Variants in SMARCD3 observed in about 807,000 individuals in gnomAD.
SMARCD3 encodes SWI/SNF-related matrix-associated actin-dependent regulator of chromatin subfamily D member 3.
SMARCD3 carries 14 observed loss-of-function variants against 58.0 expected under a neutral mutation model. The ratio of observed to expected loss-of-function variants is 0.24; its 90% confidence interval spans 0.16 to 0.38. The LOEUF is 0.38. Among genes scored for constraint, SMARCD3 ranks in the 10% least tolerant of loss-of-function variants. SMARCD3 has a pLI of 1.00. For synonymous variants in SMARCD3, 253 were observed against 253.8 expected (o/e 1.00, Z 0.03); for missense variants, 408 against 636.9 (o/e 0.64, Z 3.87).
chr7:151,244,925 T>G (rs567274026), intron 2 of SMARCD3, among the ~76,000 whole-genome samples: 2 of 151,772 alleles, frequency 1.3e-5, no homozygotes, highest in Non-Finnish European at 2.9e-5. Flanking sequence ...TGGGCCAGAG[T>G]GCCTAAGAAT....
intron 2 of SMARCD3, among the ~76,000 whole-genome samples, chr7:151,255,947 C>G (rs554084216): frequency 7.3e-5 from 11 of 151,490 alleles, no homozygotes; most frequent in African/African-American, 2.7e-4. Context: ...GTGGCGCGAT[C>G]TCGGCTCACT....
Position 151,239,515 on chromosome 7 carries a change from G to A in SMARCD3, c.1297-18C>T, listed in dbSNP as rs763626229. 3 of 1,611,490 alleles carry A rather than the reference G, an allele frequency of 1.9e-6. No homozygotes were observed. Among genetic ancestry groups the A allele is most frequent in the Non-Finnish European group, 2.5e-6 (3 of 1,178,090 alleles). On this transcript the variant is annotated intron_variant, in intron 11 of 12. Transcript: ENST00000262188. The surrounding 1 kb of genome is among the most constrained non-coding windows in gnomAD (Gnocchi z 7.0). Reference sequence around the variant, plus strand: ...GTCATCACCTGGGAGGGAGCGTGGGGTGAGCCCTGAGCCCTGAATCCCCTC... The same window carrying A: ...GTCATCACCTGGGAGGGAGCGTGGGATGAGCCCTGAGCCCTGAATCCCCTC...
intron 2 of SMARCD3, among the ~76,000 whole-genome samples, chr7:151,273,996 T>G (rs1183501667): frequency 6.6e-6 from 1 of 152,206 alleles, no homozygotes; most frequent in African/African-American, 2.4e-5. Context: ...AGAAAGCACT[T>G]TCATTCTGCC....
chr7:151,258,111 A>G (rs1482893218), intron 2 of SMARCD3, among the ~76,000 whole-genome samples: 2 of 151,660 alleles, frequency 1.3e-5, no homozygotes, highest in African/African-American at 4.8e-5. Context: ...CACACCCTAC[A>G]TCCACTCTGA....
intron 2 of SMARCD3, among the ~76,000 whole-genome samples, chr7:151,268,349 G>T (rs555222644): frequency 6.6e-6 from 1 of 152,146 alleles, no homozygotes; most frequent in East Asian, 1.9e-4. Context: ...TTTTCAGAGG[G>T]GCGAGAGCCC....
chr7:151,248,743 G>GCCGCCGCCCGC (rs1320440109), upstream of SMARCD3: 9 of 1,142,876 alleles, frequency 7.9e-6, no homozygotes, highest in South Asian at 8.5e-5. The surrounding 1 kb of genome is among the most constrained non-coding windows in gnomAD (Gnocchi z 6.1). Context: ...GGCCCACGCC[G>GCCGCCGCCCGC]CCGCCGCCCG....
chr7:151,245,680 G>A lies in SMARCD3; in HGVS notation c.79-9C>T. ...GACGGCATCCCGGGGCGCTGGGGGT[G>A]GGCGGGGGTGAAGCAGAAACGGGCG... On this transcript the variant is annotated splice_polypyrimidine_tract_variant and intron_variant, in intron 1 of 12. Transcript: ENST00000262188. This position sits in a 1 kb window ranked among gnomAD's most constrained non-coding sequence, Gnocchi z 6.2. 1 of 921,426 alleles carries A rather than the reference G, an allele frequency of 1.1e-6. No homozygotes were observed. The highest frequency in any genetic ancestry group is 1.4e-6 in the Non-Finnish European group (1 of 705,124). 57.1% of individuals were successfully genotyped at this position (921,426 alleles called of 1,614,324 possible). A position where few individuals can be genotyped will look rare whatever the true frequency, so the allele number is the denominator to read the frequency against.
At chr7:151,244,520 A>T (rs1261330524) in intron 2 of SMARCD3, among the ~76,000 whole-genome samples, 1 of 152,084 alleles carries the variant, frequency 6.6e-6, no homozygotes, top group Admixed American at 6.5e-5. Context: ...CCCCCTCCCT[A>T]TGCAGAAATC....
rs940406495 is a variant in SMARCD3, at chr7:151,245,379, C to G, written c.290+81G>C. On this transcript the variant is annotated intron_variant, in intron 2 of 12. Transcript: ENST00000262188. The surrounding 1 kb of genome is among the most constrained non-coding windows in gnomAD (Gnocchi z 6.2). ...CATTCTTCCTCGCCCCTTCCAATCC[C>G]CGCTACTCGCTTACCTGGTCCCTGC... 3.8e-6 allele frequency: 2 copies of G among 519,516 alleles called. No homozygotes were observed. The highest frequency in any genetic ancestry group is 4.0e-5 in the African/African-American group (2 of 50,422). 32.2% of individuals were successfully genotyped at this position (519,516 alleles called of 1,614,324 possible). A position where few individuals can be genotyped will look rare whatever the true frequency, so the allele number is the denominator to read the frequency against.
intron 9 of SMARCD3, 77 bp from the exon 10 acceptor site, chr7:151,240,324 A>G: frequency 6.2e-7 from 1 of 1,604,080 alleles, no homozygotes; most frequent in Non-Finnish European, 8.5e-7. Context: ...GGCAGATCCA[A>G]CAGGGAGGGA....
At chr7:151,276,181 G>C (rs1013420268) in intron 1 of SMARCD3, among the ~76,000 whole-genome samples, 1 of 151,674 alleles carries the variant, frequency 6.6e-6, no homozygotes, top group Non-Finnish European at 1.5e-5. Flanking sequence ...GGGGGACAGA[G>C]GGACAACCTG....
chr7:151,275,319 G>A, intron 1 of SMARCD3: 1 of 657,642 alleles, frequency 1.5e-6, no homozygotes, highest in Admixed American at 2.4e-5. Flanking sequence ...CTGCGAAGAA[G>A]CCAAACTCCC....
At chr7:151,254,399 GC>G (rs1430318375) in intron 2 of SMARCD3, 1 of 152,406 alleles carries the variant, frequency 6.6e-6, no homozygotes, top group Non-Finnish European at 1.5e-5. Context: ...CTCATGTCGG[GC>G]CATGTGGCCC....
chr7:151,239,136 C>A lies in SMARCD3; in HGVS notation c.1419G>T (p.Glu473Asp). Residue 473 changes from glutamate (E) to aspartate (D), a missense_variant, in exon 13 of 13, where the codon GAG becomes GAT. This residue lies in a region of SMARCD3 where 81 missense variants were observed against 109.7 expected (regional missense o/e 0.74). Coordinates refer to ENST00000262188, the MANE Select transcript of SMARCD3 (RefSeq NM_001003801.2). The surrounding 1 kb of genome is among the most constrained non-coding windows in gnomAD (Gnocchi z 7.0). ...FYCKIQQRRQ[E>D]LEQSLVVRNT ...TGCGCACAACCAGCGACTGCTCCAG[C>A]TCCTGCCTGCGCTGCTGGATCTTTA... The A allele has an allele frequency of 6.2e-7, 1 of 1,614,204 alleles. No individual in the cohort carries two copies. Among genetic ancestry groups the A allele is most frequent in the Non-Finnish European group, 8.5e-7 (1 of 1,180,044 alleles).
At position 151,239,648 on chromosome 7, in the gene SMARCD3, G is replaced by A. The variant is rs267601422; in HGVS notation, c.1272C>T (p.Leu424=). The part of the protein sequence containing the change: ...RDPKGYVQDL[L]RSQSRDLKVM... ...CCTTGAGGTCCCGGCTCTGGGAGCG[G>A]AGCAGGTCTTGGACATAGCCTTTGG... The change falls in exon 11 of 13, where the codon CTC becomes CTT. Residue 424 remains leucine, a synonymous_variant. Coordinates refer to ENST00000262188, the MANE Select transcript of SMARCD3 (RefSeq NM_001003801.2). This position sits in a 1 kb window ranked among gnomAD's most constrained non-coding sequence, Gnocchi z 7.0. 1.6e-5 allele frequency: 26 copies of A among 1,614,096 alleles called. No individual in the cohort carries two copies. Among genetic ancestry groups the A allele is most frequent in the Non-Finnish European group, 2.2e-5 (26 of 1,180,018 alleles).
intron 2 of SMARCD3, among the ~76,000 whole-genome samples, chr7:151,271,911 A>T (rs1360562075): frequency 1.3e-5 from 2 of 152,200 alleles, no homozygotes; most frequent in African/African-American, 4.8e-5. Context: ...GTGAGCCATG[A>T]TCACACCACT....
At chr7:151,271,714 G>A (rs1795180161) in intron 2 of SMARCD3, among the ~76,000 whole-genome samples, 1 of 152,124 alleles carries the variant, frequency 6.6e-6, no homozygotes, top group Admixed American at 6.6e-5. Context: ...ACTTTGGGAG[G>A]CTGAAGTGGG....
intron 2 of SMARCD3, among the ~76,000 whole-genome samples, chr7:151,273,540 G>A (rs1341113939): frequency 6.6e-6 from 1 of 152,244 alleles, no homozygotes; most frequent in Non-Finnish European, 1.5e-5. Context: ...AGAGTGCTTG[G>A]TTTAATATAC....
intron 2 of SMARCD3, among the ~76,000 whole-genome samples, chr7:151,261,805 C>T (rs1452376771): frequency 2.6e-5 from 4 of 152,194 alleles, no homozygotes; most frequent in Non-Finnish European, 2.9e-5. Context: ...AATGGCATGA[C>T]GGGTACAAGC....
Sources: gnomAD v4.1 joint callset for allele counts (sites outside exome capture counted in the v4.1 genomes callset) on GRCh38, gnomAD v4.1.1 for gene constraint, gnomAD v4.1.1 regional missense constraint, Gnocchi (gnomAD v3.1) non-coding constraint, MANE v1.5 for transcripts, NCBI Gene and HGNC (gene_info 2026-07-23, HGNC 2026-07-21) for gene names.